The following FARP2 variants were observed in gnomAD, a reference collection of about 807,000 sequenced individuals.
The protein encoded by FARP2 is FERM, ARH/RhoGEF and pleckstrin domain protein 2, also known as FERM, ARHGEF and pleckstrin domain-containing protein 2.
A neutral mutation model predicts 130.5 loss-of-function variants in FARP2; 111 were observed. The observed-to-expected ratio is 0.85, with a 90% CI of 0.73 to 1.00. The LOEUF is 1.00. FARP2 is among the 50% of genes least tolerant of loss of function. FARP2 has a pLI of 0.00. For synonymous variants in FARP2, 504 were observed against 516.9 expected (o/e 0.98, Z 0.34); for missense variants, 1,385 against 1,346.3 (o/e 1.03, Z -0.45).
intron 19 of FARP2, chr2:241,479,047 G>T: frequency 1.8e-6 from 1 of 540,934 alleles, no homozygotes; most frequent in Non-Finnish European, 3.4e-6. Context: ...AAGATGCAAT[G>T]AACTACCATG....
rs773909984 is a variant in FARP2 at position 241,434,958 on chromosome 2, A to C, written c.1032-4A>C. On this transcript the variant is annotated splice_polypyrimidine_tract_variant and splice_region_variant and intron_variant, in intron 10 of 26. Transcript: ENST00000264042. ...TTATTAAAAATCTGAATCTTTATTC[A>C]CAGTGGAAGAACTCAGAAACAACTA... 6.5e-7 allele frequency: 1 copy of C among 1,530,466 alleles called. No homozygotes were observed. Among genetic ancestry groups the C allele is most frequent in the South Asian group, 1.2e-5 (1 of 85,440 alleles). 94.8% of individuals were successfully genotyped at this position (1,530,466 alleles called of 1,614,324 possible).
intron 4 of FARP2, among the ~76,000 whole-genome samples, chr2:241,407,252 G>T (rs1378782333): frequency 2.6e-5 from 4 of 151,268 alleles, no homozygotes; most frequent in African/African-American, 9.7e-5. Context: ...TCGGAGACAG[G>T]GTCTCACCCT....
chr2:241,492,398 G>A (rs2064952721), intron 24 of FARP2, among the ~76,000 whole-genome samples: 2 of 152,168 alleles, frequency 1.3e-5, no homozygotes, highest in Non-Finnish European at 1.5e-5. Flanking sequence ...GGCCCGCTCC[G>A]CCATCTTAGA....
At chr2:241,467,982 G>A (rs551494028) in intron 17 of FARP2, among the ~76,000 whole-genome samples, 158 bp from the exon 18 acceptor site, 2 of 152,310 alleles carry the variant, frequency 1.3e-5, no homozygotes, top group African/African-American at 2.4e-5. Context: ...GATGCATTCC[G>A]TGGAGGCTAG....
At chr2:241,461,093 C>G (rs2064004748) in intron 14 of FARP2, among the ~76,000 whole-genome samples, 1 of 152,178 alleles carries the variant, frequency 6.6e-6, no homozygotes, top group Non-Finnish European at 1.5e-5. Context: ...CACATGCCAC[C>G]TCAGCTACTT....
chr2:241,463,427 C>T lies in FARP2; in HGVS notation c.1770C>T (p.His590=), dbSNP rs760388749. The T allele has an allele frequency of 5.0e-6, 8 of 1,613,980 alleles. No individual in the cohort carries two copies. In the Admixed American group the frequency reaches 1.3e-4, roughly 27 times the overall value. ...FSNIDPIYEF[H]RGFLREVEQR... is the part of the protein sequence containing the mutation. Reference sequence around the variant, plus strand: ...ACATCGATCCCATCTATGAGTTCCACAGAGGCTTCCTGCGCGAGGTGGAGC... The same window carrying T: ...ACATCGATCCCATCTATGAGTTCCATAGAGGCTTCCTGCGCGAGGTGGAGC... Residue 590 remains histidine, a synonymous_variant, in exon 16 of 27, where the codon CAC becomes CAT. Coordinates refer to ENST00000264042, the MANE Select transcript of FARP2 (RefSeq NM_014808.4).
chr2:241,449,840 T>TAC (rs922403406), intron 13 of FARP2, among the ~76,000 whole-genome samples: 6 of 151,570 alleles, frequency 4.0e-5, no homozygotes, highest in South Asian at 2.1e-4. Context: ...CTACTAAAAA[T>TAC]ACACACACAC....
At chr2:241,477,430 A>G (rs771108688) in intron 19 of FARP2, among the ~76,000 whole-genome samples, 57 of 152,094 alleles carry the variant, frequency 3.7e-4, no homozygotes, top group Admixed American at 9.8e-4. Flanking sequence ...GCCCGGCCTC[A>G]TGTTCCTTTT....
chr2:241,422,423 A>T (rs1024663093), intron 8 of FARP2, among the ~76,000 whole-genome samples: 8 of 152,010 alleles, frequency 5.3e-5, no homozygotes, highest in African/African-American at 7.2e-5. Context: ...ACAGAAAACA[A>T]CAACAACATG....
At chr2:241,457,254 C>T (rs1173501019) in intron 14 of FARP2, among the ~76,000 whole-genome samples, 2 of 152,204 alleles carry the variant, frequency 1.3e-5, no homozygotes, top group Non-Finnish European at 2.9e-5. Flanking sequence ...TCCTTCCTTC[C>T]CACCTTCCTC....
At chr2:241,431,346 GTGTC>G (rs1408633852) in intron 8 of FARP2, among the ~76,000 whole-genome samples, 1 of 151,530 alleles carries the variant, frequency 6.6e-6, no homozygotes, top group East Asian at 2.0e-4. Context: ...GTGGTGTCTG[GTGTC>G]TGTAGTCCCA....
chr2:241,377,412 G>A (rs1398065021), intron 2 of FARP2, among the ~76,000 whole-genome samples: 1 of 151,492 alleles, frequency 6.6e-6, no homozygotes, highest in Non-Finnish European at 1.5e-5. Context: ...CGCAATCTCG[G>A]CTCACTGCAA....
intron 2 of FARP2, among the ~76,000 whole-genome samples, chr2:241,378,092 T>C (rs1187192239): frequency 6.6e-6 from 1 of 152,038 alleles, no homozygotes; most frequent in Non-Finnish European, 1.5e-5. Flanking sequence ...AGATGATATT[T>C]TTATTTTTAT....
chr2:241,407,000 G>T (rs978098035), intron 4 of FARP2, among the ~76,000 whole-genome samples: 4 of 151,518 alleles, frequency 2.6e-5, no homozygotes, highest in Non-Finnish European at 1.5e-5. Context: ...AATAGAGACG[G>T]GGTTTCACTG....
Position 241,494,270 on chromosome 2 carries a change from G to A in FARP2, c.*145G>A, listed in dbSNP as rs2065043330. On this transcript the variant is annotated 3_prime_UTR_variant, in exon 27 of 27. Coordinates refer to ENST00000264042, the MANE Select transcript of FARP2 (RefSeq NM_014808.4). The surrounding 1 kb of genome is among the most constrained non-coding windows in gnomAD (Gnocchi z 4.9). ...CACCAGCAGTGTGGGTGGGCCTCAT[G>A]TAACATCTGGGAGGGGCTTCATCCC... The A allele has an allele frequency of 9.1e-6, 4 of 441,242 alleles. No homozygotes were observed. In the South Asian group the frequency reaches 3.8e-4, roughly 42 times the overall value. 27.3% of individuals were successfully genotyped at this position (441,242 alleles called of 1,614,324 possible).
chr2:241,406,464 G>A (rs917676285), intron 4 of FARP2, among the ~76,000 whole-genome samples: 1 of 151,872 alleles, frequency 6.6e-6, no homozygotes, highest in African/African-American at 2.4e-5. Flanking sequence ...GTGTGTGGAG[G>A]GGTGGGCAAT....
intron 8 of FARP2, among the ~76,000 whole-genome samples, chr2:241,428,451 C>T (rs149988723): frequency 0.016 from 2,382 of 151,834 alleles, 28 homozygotes; most frequent in South Asian, 0.023. Flanking sequence ...TCACCTCAGC[C>T]TCCCAAAGTG....
rs12624228 is a variant in FARP2, at chr2:241,438,660, C to T, written c.1158+2122C>T. Among the ~76,000 whole-genome samples, 1,008 of 144,396 alleles carry T rather than the reference C, an allele frequency of 7.0e-3. 26 individuals are homozygous for T. In the South Asian group the frequency reaches 0.07, roughly 10 times the overall value. The allele number at this position is 144,396 out of a possible 152,430, so 94.7% of individuals were successfully genotyped here. ...TTTTTTTTTTTTTGAGACAGAGTCT[C>T]GCTCTGTCGCCCAGGCTGGAGTGCA... On this transcript the variant is annotated intron_variant, in intron 12 of 26. Transcript: ENST00000264042.
chr2:241,365,394 T>C (rs996915334), intron 1 of FARP2, among the ~76,000 whole-genome samples: 2 of 152,208 alleles, frequency 1.3e-5, no homozygotes, highest in African/African-American at 4.8e-5. Flanking sequence ...TTCCCCTTCA[T>C]GTACCCACAA....
Sources: gnomAD v4.1 joint callset for allele counts (sites outside exome capture counted in the v4.1 genomes callset) on GRCh38, gnomAD v4.1.1 for gene constraint, Gnocchi (gnomAD v3.1) non-coding constraint, MANE v1.5 for transcripts, NCBI Gene and HGNC (gene_info 2026-07-23, HGNC 2026-07-21) for gene names.